CD33: variants seen among roughly 807,000 people sequenced by gnomAD.
The protein encoded by CD33 is myeloid cell surface antigen CD33.
Under a neutral mutation model 31.4 loss-of-function variants are expected in CD33, and 25 were observed. That is an observed-to-expected ratio of 0.80 (90% CI 0.58 to 1.11). CD33 has a LOEUF of 1.11. Among genes scored for constraint, CD33 ranks in the 50% most tolerant of loss-of-function variants. CD33 has a pLI of 0.00. For synonymous variants in CD33, 176 were observed against 180.6 expected, an observed-to-expected ratio of 0.97 and a Z score of 0.20; for missense variants, 407 against 448.1, an observed-to-expected ratio of 0.91 and a Z score of 0.83.
the CD33 span, among the ~76,000 whole-genome samples, chr19:51,218,163 T>G: frequency 6.6e-6 from 1 of 152,254 alleles, no homozygotes; most frequent in Non-Finnish European, 1.5e-5. Flanking sequence ...AAGCATTTCC[T>G]GTTCTCCACA....
chr19:51,239,690 G>C lies in CD33; in HGVS notation c.*2G>C. ...TACTCAGAGGTCAGGACCCAGTGAG[G>C]AACCCACAAGAGCATCAGGCTCAGC... On this transcript the variant is annotated 3_prime_UTR_variant, in exon 7 of 7. Coordinates refer to ENST00000262262, the MANE Select transcript of CD33 (RefSeq NM_001772.4). 1 of 1,605,114 alleles carries C rather than the reference G, an allele frequency of 6.2e-7. No homozygotes were observed. The highest frequency in any genetic ancestry group is 8.5e-7 in the Non-Finnish European group (1 of 1,176,202).
At position 51,225,936 on chromosome 19, in the gene CD33, C is replaced by A; in HGVS notation, c.552C>A (p.Pro184=). Residue 184 remains proline, a synonymous_variant, in exon 3 of 7, where the codon CCC becomes CCA. Coordinates refer to ENST00000262262, the MANE Select transcript of CD33 (RefSeq NM_001772.4). The part of the protein sequence containing the change: ...PPIFSWLSAA[P]TSLGPRTTHS... ...TCTTCTCCTGGTTGTCAGCTGCCCC[C>A]ACCTCCCTGGGCCCCAGGACTACTC... The A allele has an allele frequency of 1.2e-6, 2 of 1,614,076 alleles. No individual in the cohort carries two copies. Among genetic ancestry groups the A allele is most frequent in the Non-Finnish European group, 1.7e-6 (2 of 1,180,020 alleles).
the CD33 span, among the ~76,000 whole-genome samples, chr19:51,217,386 G>A: frequency 6.6e-6 from 1 of 151,550 alleles, no homozygotes; most frequent in Non-Finnish European, 1.5e-5. Context: ...TGTCTTTTTT[G>A]TTTTTGTTTT....
chr19:51,217,375 A>T, the CD33 span, among the ~76,000 whole-genome samples: 3 of 151,800 alleles, frequency 2.0e-5, no homozygotes, highest in Admixed American at 2.0e-4. Context: ...CGAAACTCCA[A>T]TGTCTTTTTT....
the CD33 span, among the ~76,000 whole-genome samples, chr19:51,212,564 C>T: frequency 6.6e-6 from 1 of 151,948 alleles, no homozygotes; most frequent in Admixed American, 6.6e-5. Context: ...ACACAACCCC[C>T]TCAACCCCAC....
rs1981005736 is a variant in CD33, at chr19:51,226,086, G to A, written c.697+5G>A. On this transcript the variant is annotated splice_donor_5th_base_variant and intron_variant, in intron 3 of 6. Transcript: ENST00000262262. ...CCATCCAGCTCAACGTCACCTGTAA[G>A]TGCTGGGCCAGGATGCTGGGGTCCC... 1.2e-6 allele frequency: 2 copies of A among 1,613,376 alleles called. No individual in the cohort carries two copies.
upstream of CD33, among the ~76,000 whole-genome samples, chr19:51,221,778 C>G (rs1980699573): frequency 6.6e-6 from 1 of 152,044 alleles, no homozygotes; most frequent in South Asian, 2.1e-4. Context: ...TAAATGCATA[C>G]AAAATGGGGG....
At chr19:51,227,337 A>C (rs1981107321) in intron 4 of CD33, among the ~76,000 whole-genome samples, 1 of 152,142 alleles carries the variant, frequency 6.6e-6, no homozygotes, top group Non-Finnish European at 1.5e-5. Context: ...TTCTGGTCAA[A>C]AGTATATAAG....
intron 6 of CD33, chr19:51,237,989 T>G (rs1465321097): frequency 6.6e-6 from 1 of 152,176 alleles, no homozygotes; most frequent in Non-Finnish European, 1.5e-5. Flanking sequence ...TATTTGCAAG[T>G]GGAGTGATGG....
chr19:51,235,426 C>A, intron 5 of CD33, 169 bp from the exon 6 acceptor site: 1 of 1,331,774 alleles, frequency 7.5e-7, no homozygotes, highest in South Asian at 1.5e-5. Context: ...GCCCTGATCT[C>A]AGATGTCCAA....
At chr19:51,230,749 T>C (rs969531948) in intron 4 of CD33, among the ~76,000 whole-genome samples, 2 of 152,348 alleles carry the variant, frequency 1.3e-5, no homozygotes, top group East Asian at 1.9e-4. Context: ...ATGTGTGTCT[T>C]CTAGGTGAGA....
At chr19:51,234,501 C>T (rs1056044801) in intron 4 of CD33, among the ~76,000 whole-genome samples, 2 of 152,164 alleles carry the variant, frequency 1.3e-5, no homozygotes, top group African/African-American at 2.4e-5. Flanking sequence ...CTCTCCACTG[C>T]CCTATTCCAA....
chr19:51,232,432 G>A (rs1981486259), intron 4 of CD33, among the ~76,000 whole-genome samples: 1 of 152,120 alleles, frequency 6.6e-6, no homozygotes, highest in Non-Finnish European at 1.5e-5. Context: ...TCCTGGACCT[G>A]GATGTCCTTC....
At chr19:51,235,108 T>C (rs1372002785) in intron 4 of CD33, 49 bp from the exon 5 acceptor site, 1 of 1,466,034 alleles carries the variant, frequency 6.8e-7, no homozygotes, top group Non-Finnish European at 9.6e-7. Flanking sequence ...AGGATACACA[T>C]ACCTGTTTAT....
rs1179519330 is a variant in CD33 at position 51,239,636 on chromosome 19, T to C, written c.1043T>C (p.Met348Thr). Residue 348 changes from methionine (M) to threonine (T), a missense_variant, in exon 7 of 7, where the codon ATG becomes ACG. Coordinates refer to ENST00000262262, the MANE Select transcript of CD33 (RefSeq NM_001772.4). ...LHYASLNFHG[M>T]NPSKDTSTEY... ...TATGCTTCCCTCAACTTTCATGGGA[T>C]GAATCCTTCCAAGGACACCTCCACC... 6.2e-7 allele frequency: 1 copy of C among 1,613,566 alleles called. No individual in the cohort carries two copies. Among genetic ancestry groups the C allele is most frequent in the Non-Finnish European group, 8.5e-7 (1 of 1,179,866 alleles).
chr19:51,219,454 TATC>T, the CD33 span, among the ~76,000 whole-genome samples: 1 of 152,234 alleles, frequency 6.6e-6, no homozygotes, highest in Non-Finnish European at 1.5e-5. Context: ...TTTAAGATCC[TATC>T]ATCAGCAAAC....
At chr19:51,231,375 G>T (rs1414073241) in intron 4 of CD33, among the ~76,000 whole-genome samples, 1 of 152,232 alleles carries the variant, frequency 6.6e-6, no homozygotes, top group African/African-American at 2.4e-5. Flanking sequence ...GCTGGACTTC[G>T]TGGCCCCCAC....
the CD33 span, among the ~76,000 whole-genome samples, chr19:51,215,320 G>A: frequency 6.6e-6 from 1 of 152,160 alleles, no homozygotes; most frequent in African/African-American, 2.4e-5. Flanking sequence ...ATGCCAGGGT[G>A]GAGAGGTTTC....
At chr19:51,216,921 G>T in the CD33 span, among the ~76,000 whole-genome samples, 4 of 152,176 alleles carry the variant, frequency 2.6e-5, no homozygotes, top group Admixed American at 2.6e-4. Flanking sequence ...AGAAGGAAAA[G>T]GGGGAAGAGC....
Sources: allele counts gnomAD v4.1 joint callset (sites outside exome capture counted in the v4.1 genomes callset), GRCh38; gene constraint gnomAD v4.1.1; transcripts MANE v1.5; gene names NCBI Gene and HGNC (gene_info 2026-07-23, HGNC 2026-07-21).